The following CBFA2T2 variants were observed in gnomAD, a reference collection of about 807,000 sequenced individuals.
CBFA2T2 encodes protein CBFA2T2.
CBFA2T2 carries 11 observed loss-of-function variants against 62.2 expected under a neutral mutation model. The ratio of observed to expected loss-of-function variants is 0.18; its 90% CI spans 0.11 to 0.29. The LOEUF (loss-of-function observed/expected upper bound fraction) is 0.29. CBFA2T2 is among the 10% of genes least tolerant of loss of function. CBFA2T2 has a pLI of 1.00. For missense variants in CBFA2T2, 592 were observed against 774.1 expected, an observed-to-expected ratio of 0.76 and a Z score of 2.79; for synonymous variants, 295 against 287.5, an observed-to-expected ratio of 1.03 and a Z score of -0.27.
intron 1 of CBFA2T2, among the ~76,000 whole-genome samples, chr20:33,492,415 TAAAAA>T (rs199700102): frequency 6.8e-6 from 1 of 146,302 alleles, no homozygotes; most frequent in African/African-American, 2.5e-5. Context: ...TGCTTTCACT[TAAAAA>T]AAAAAGATTG....
At chr20:33,587,062 T>C (rs749405739) in intron 1 of CBFA2T2, among the ~76,000 whole-genome samples, 10 of 151,414 alleles carry the variant, frequency 6.6e-5, no homozygotes, top group Non-Finnish European at 1.3e-4. Context: ...CAACCTAAAC[T>C]TCCCGAGTAG....
chr20:33,496,990 T>TC (rs2011206648), intron 1 of CBFA2T2, among the ~76,000 whole-genome samples: 3 of 152,268 alleles, frequency 2.0e-5, no homozygotes, highest in Admixed American at 2.0e-4. Context: ...TGTGGTCCTC[T>TC]CGGCCGGGTG....
intron 1 of CBFA2T2, among the ~76,000 whole-genome samples, chr20:33,593,847 C>T (rs1473737437): frequency 1.3e-5 from 2 of 152,188 alleles, no homozygotes; most frequent in African/African-American, 4.8e-5. Context: ...TTTGACCTTT[C>T]CCCTTCTGTC....
chr20:33,586,899 G>A (rs2014392097), intron 1 of CBFA2T2, among the ~76,000 whole-genome samples: 1 of 152,100 alleles, frequency 6.6e-6, no homozygotes, highest in South Asian at 2.1e-4. Context: ...TCATAGAATT[G>A]TCTCTACCTA....
At chr20:33,496,293 G>A (rs2011198689) in intron 1 of CBFA2T2, among the ~76,000 whole-genome samples, 1 of 152,230 alleles carries the variant, frequency 6.6e-6, no homozygotes, top group Non-Finnish European at 1.5e-5. Context: ...CTTGTTAATA[G>A]TGAATTCTGG....
chr20:33,513,975 A>T (rs1435785202), intron 1 of CBFA2T2, among the ~76,000 whole-genome samples: 1 of 131,818 alleles, frequency 7.6e-6, no homozygotes, highest in African/African-American at 2.9e-5. Flanking sequence ...ATCTCGGCTC[A>T]CTGCAGCCTC....
At position 33,644,518 on chromosome 20, in the gene CBFA2T2, G is replaced by A. The variant is rs2016981320; in HGVS notation, c.1660G>A (p.Gly554Ser). 6.2e-7 allele frequency: 1 copy of A among 1,614,090 alleles called. No individual in the cohort carries two copies. The highest frequency in any genetic ancestry group is 8.5e-7 in the Non-Finnish European group (1 of 1,180,026). ...CCAGGGCCGGCCGCTGCTTCCTGTA[G>A]GCAGGGGCTCCTCTGCCAGGTCCGC... The part of the protein sequence containing the change: ...HGQGRPLLPV[G>S]RGSSARSADC... Residue 554 changes from glycine (G) to serine (S), a missense_variant, in exon 11 of 11, where the codon GGC (glycine) becomes AGC (serine). Physicochemically the swap from Gly to Ser is moderately conservative, Grantham distance 56. Transcript: ENST00000342704.
intron 1 of CBFA2T2, among the ~76,000 whole-genome samples, chr20:33,510,074 G>A (rs572040493): frequency 6.6e-6 from 1 of 152,010 alleles, no homozygotes. Context: ...TGCGGTGTTT[G>A]GTTTTCTGTC....
chr20:33,511,199 A>G (rs1441490531), intron 1 of CBFA2T2, among the ~76,000 whole-genome samples: 1 of 152,140 alleles, frequency 6.6e-6, no homozygotes, highest in Non-Finnish European at 1.5e-5. Context: ...TTTAGTCATG[A>G]AGTCCTTGCC....
intron 3 of CBFA2T2, among the ~76,000 whole-genome samples, chr20:33,617,654 G>C (rs2015760142): frequency 6.6e-6 from 1 of 152,166 alleles, no homozygotes; most frequent in South Asian, 2.1e-4. Context: ...AGATATAAAA[G>C]AGTGTCATTC....
intron 1 of CBFA2T2, among the ~76,000 whole-genome samples, chr20:33,570,339 T>G (rs879544718): frequency 4.6e-5 from 7 of 152,156 alleles, no homozygotes; most frequent in Non-Finnish European, 7.4e-5. Context: ...CAGCCAACAT[T>G]TTACGTGACA....
intron 1 of CBFA2T2, among the ~76,000 whole-genome samples, chr20:33,588,991 C>T (rs530738138): frequency 1.3e-5 from 2 of 151,852 alleles, no homozygotes; most frequent in East Asian, 1.9e-4. Flanking sequence ...GGAAAAAAAA[C>T]CCATTTCCAT....
chr20:33,495,810 C>G (rs1349605285), intron 1 of CBFA2T2, among the ~76,000 whole-genome samples: 1 of 152,160 alleles, frequency 6.6e-6, no homozygotes, highest in East Asian at 1.9e-4. Context: ...AGACTTCAGG[C>G]TCATTACTTA....
At chr20:33,532,916 T>TGGAACCGTGTTTC (rs2012100755) in intron 1 of CBFA2T2, among the ~76,000 whole-genome samples, 1 of 152,254 alleles carries the variant, frequency 6.6e-6, no homozygotes, top group Admixed American at 6.5e-5. Context: ...CTCTGTGTTT[T>TGGAACCGTGTTTC]GGAACCGTGT....
intron 1 of CBFA2T2, among the ~76,000 whole-genome samples, chr20:33,567,335 T>C (rs1488109412): frequency 2.0e-5 from 3 of 152,198 alleles, no homozygotes. Flanking sequence ...GTTCTGTATA[T>C]GTATACATAT....
At chr20:33,633,866 C>T (rs915978661) in intron 8 of CBFA2T2, among the ~76,000 whole-genome samples, 2 of 152,218 alleles carry the variant, frequency 1.3e-5, no homozygotes, top group Admixed American at 1.3e-4. Context: ...TGAACTCAGG[C>T]TTATGATGTT....
At chr20:33,631,239 C>T (rs772424895) in intron 8 of CBFA2T2, among the ~76,000 whole-genome samples, 3 of 152,048 alleles carry the variant, frequency 2.0e-5, no homozygotes, top group African/African-American at 4.8e-5. Context: ...GCGTGAACCC[C>T]GGAGGCGGAG....
rs1160078056 is a variant in CBFA2T2 at position 33,646,170 on chromosome 20, AT to A, written c.*1529del. 6.6e-6 allele frequency: 1 copy of A among 152,026 alleles called. No homozygotes were observed. The highest frequency in any genetic ancestry group is 2.4e-5 in the African/African-American group (1 of 41,450). 9.4% of individuals were successfully genotyped at this position (152,026 alleles called of 1,614,324 possible). On this transcript the variant is annotated 3_prime_UTR_variant, in exon 11 of 11. Transcript: ENST00000342704. The stretch of plus-strand genomic sequence containing the variant: ...AGGCGCCCACCACCACGCCCAGCTA[AT>A]TTTTGTATTTTTAGTAGAGACAGGG...
At chr20:33,619,033 C>CT in intron 3 of CBFA2T2, among the ~76,000 whole-genome samples, 1 of 152,290 alleles carries the variant, frequency 6.6e-6, no homozygotes, top group East Asian at 1.9e-4. Flanking sequence ...TGCCAGGCGT[C>CT]TGAGTTCCTG....
Sources: gnomAD v4.1 joint callset for allele counts (sites outside exome capture counted in the v4.1 genomes callset) on GRCh38, gnomAD v4.1.1 for gene constraint, MANE v1.5 for transcripts, NCBI Gene and HGNC (gene_info 2026-07-23, HGNC 2026-07-21) for gene names.